The following DGKB variants were observed in gnomAD, a reference collection of about 807,000 sequenced individuals.
The protein encoded by DGKB is 90 kDa diacylglycerol kinase.
DGKB carries 67 observed loss-of-function variants against 114.3 expected under a neutral mutation model. The ratio of observed to expected loss-of-function variants is 0.59; its 90% CI spans 0.48 to 0.72. The LOEUF (loss-of-function observed/expected upper bound fraction) is 0.72. Among genes scored for constraint, DGKB ranks in the 30% least tolerant of loss-of-function variants. DGKB has a pLI of 0.00. For missense variants in DGKB, 907 were observed against 975.2 expected (o/e 0.93, Z 0.93); for synonymous variants, 398 against 323.1 (o/e 1.23, Z -2.49).
chr7:14,629,514 C>A (rs963745496), intron 14 of DGKB, among the ~76,000 whole-genome samples: 1 of 151,928 alleles, frequency 6.6e-6, no homozygotes, highest in Non-Finnish European at 1.5e-5. Context: ...ATAAGCAATA[C>A]TTTCTAAAAT....
chr7:14,280,757 A>G (rs1799814837), intron 23 of DGKB, among the ~76,000 whole-genome samples: 1 of 149,030 alleles, frequency 6.7e-6, no homozygotes, highest in Non-Finnish European at 1.5e-5. Context: ...ATCCAGCCAA[A>G]CTAAGCTTCA....
intron 20 of DGKB, among the ~76,000 whole-genome samples, chr7:14,510,316 A>C (rs536160852): frequency 1.3e-5 from 2 of 152,154 alleles, no homozygotes; most frequent in Admixed American, 6.5e-5. Flanking sequence ...CTGCTTTACC[A>C]ACTAAGTTTT....
chr7:14,625,969 T>C (rs1808499550), intron 14 of DGKB, among the ~76,000 whole-genome samples: 1 of 152,124 alleles, frequency 6.6e-6, no homozygotes, highest in South Asian at 2.1e-4. Flanking sequence ...GGGGAATATA[T>C]TGTATTAGAA....
chr7:14,789,626 C>G (rs1013848225), intron 2 of DGKB, among the ~76,000 whole-genome samples: 1 of 152,084 alleles, frequency 6.6e-6, no homozygotes, highest in African/African-American at 2.4e-5. Context: ...ACAATCTTCG[C>G]TCACTGAAGC....
chr7:14,316,496 C>T (rs1338997085), intron 23 of DGKB, among the ~76,000 whole-genome samples: 1 of 131,332 alleles, frequency 7.6e-6, no homozygotes, highest in Non-Finnish European at 1.6e-5. Context: ...TCAGAGAATA[C>T]TACAAACACC....
chr7:14,220,356 T>C (rs1012590205), intron 23 of DGKB, among the ~76,000 whole-genome samples: 1 of 151,500 alleles, frequency 6.6e-6, no homozygotes, highest in East Asian at 1.9e-4. Context: ...TATCCAGTTG[T>C]CTCAGCATTT....
intron 1 of DGKB, among the ~76,000 whole-genome samples, chr7:14,936,353 T>A (rs1785271700): frequency 6.6e-6 from 1 of 152,150 alleles, no homozygotes; most frequent in African/African-American, 2.4e-5. Context: ...AGGTCATTAC[T>A]TTTTGGAAAC....
intron 23 of DGKB, among the ~76,000 whole-genome samples, chr7:14,330,212 G>A (rs145663659): frequency 6.6e-6 from 1 of 152,044 alleles, no homozygotes; most frequent in East Asian, 1.9e-4. Flanking sequence ...TAAAAATCCT[G>A]AGTAAACACA....
intron 25 of DGKB, among the ~76,000 whole-genome samples, chr7:14,169,576 C>T (rs949231706): frequency 2.0e-5 from 3 of 151,828 alleles, no homozygotes; most frequent in South Asian, 2.1e-4. Context: ...AGTCTGGTCC[C>T]GGCCTTGGGA....
chr7:14,781,129 G>A (rs1255187941), intron 2 of DGKB, among the ~76,000 whole-genome samples: 1 of 152,114 alleles, frequency 6.6e-6, no homozygotes, highest in Non-Finnish European at 1.5e-5. Flanking sequence ...AACCATAAAA[G>A]CCTGGTTCTA....
At chr7:14,957,042 C>A (rs1478665873) in intron 1 of DGKB, among the ~76,000 whole-genome samples, 1 of 151,766 alleles carries the variant, frequency 6.6e-6, no homozygotes, top group Non-Finnish European at 1.5e-5. Flanking sequence ...ATCAAATGCC[C>A]AAATAGGAAT....
intron 17 of DGKB, among the ~76,000 whole-genome samples, chr7:14,588,848 T>G (rs907823580): frequency 6.6e-6 from 1 of 152,086 alleles, no homozygotes; most frequent in African/African-American, 2.4e-5. Flanking sequence ...GCATGAAGAA[T>G]CTTACCAATT....
intron 1 of DGKB, among the ~76,000 whole-genome samples, chr7:14,852,771 C>G (rs1423474444): frequency 3.9e-5 from 6 of 152,042 alleles, no homozygotes; most frequent in African/African-American, 1.4e-4. Flanking sequence ...GCTTTTTCAA[C>G]AGAAACAGAT....
intron 23 of DGKB, among the ~76,000 whole-genome samples, chr7:14,335,442 CA>C (rs1810471385): frequency 1.3e-5 from 2 of 152,052 alleles, no homozygotes; most frequent in Non-Finnish European, 2.9e-5. Flanking sequence ...GTATCTATTT[CA>C]ACAGTGTAAA....
chr7:14,216,172 T>C (rs1293717157), intron 23 of DGKB, among the ~76,000 whole-genome samples: 1 of 152,022 alleles, frequency 6.6e-6, no homozygotes, highest in East Asian at 1.9e-4. Context: ...CGTTATGAAA[T>C]AGAACAAGAA....
At chr7:14,289,206 T>C (rs114923417) in intron 23 of DGKB, among the ~76,000 whole-genome samples, 28 of 152,020 alleles carry the variant, frequency 1.8e-4, no homozygotes, top group African/African-American at 6.3e-4. Flanking sequence ...AAATGTTGCA[T>C]TGGTGACTCG....
At chr7:14,313,409 GGT>G (rs1376862681) in intron 23 of DGKB, among the ~76,000 whole-genome samples, 19 of 151,968 alleles carry the variant, frequency 1.3e-4, no homozygotes, top group African/African-American at 2.2e-4. Flanking sequence ...CAGGTCAGTG[GGT>G]GTGCGCACAG....
At chr7:14,885,035 C>A (rs368607755) in intron 1 of DGKB, among the ~76,000 whole-genome samples, 13 of 152,024 alleles carry the variant, frequency 8.6e-5, no homozygotes, top group South Asian at 4.2e-4. Context: ...CTTAGACTTC[C>A]TGGGAGCACA....
At chr7:14,367,734 T>A (rs1816918040) in intron 21 of DGKB, among the ~76,000 whole-genome samples, 1 of 152,024 alleles carries the variant, frequency 6.6e-6, no homozygotes, top group Non-Finnish European at 1.5e-5. Context: ...CCACATGGCT[T>A]GGAAGAAACT....
Sources: gnomAD v4.1 joint callset for allele counts (sites outside exome capture counted in the v4.1 genomes callset) on GRCh38, gnomAD v4.1.1 for gene constraint, MANE v1.5 for transcripts, NCBI Gene and HGNC (gene_info 2026-07-23, HGNC 2026-07-21) for gene names.